PRUNE2: variants seen among roughly 807,000 people sequenced by gnomAD.
PRUNE2 encodes prune homolog 2 with BCH domain.
PRUNE2 carries 164 observed loss-of-function variants against 252.0 expected under a neutral mutation model. That is an observed-to-expected ratio of 0.65 (90% CI 0.57 to 0.74). The LOEUF is 0.74. Among genes scored for constraint, PRUNE2 ranks in the 30% least tolerant of loss-of-function variants. PRUNE2 has a pLI of 0.00. For missense variants in PRUNE2, 3,495 were observed against 3,711.0 expected (o/e 0.94, Z 1.51); for synonymous variants, 1,292 against 1,350.2 (o/e 0.96, Z 0.94).
At chr9:76,677,813 G>C (rs1424701026) in intron 9 of PRUNE2, among the ~76,000 whole-genome samples, 1 of 152,094 alleles carries the variant, frequency 6.6e-6, no homozygotes, top group African/African-American at 2.4e-5. Flanking sequence ...CAAATTCCTG[G>C]AATCCATTCC....
At chr9:76,890,141 G>A (rs1489798658) in intron 1 of PRUNE2, among the ~76,000 whole-genome samples, 1 of 152,186 alleles carries the variant, frequency 6.6e-6, no homozygotes, top group Non-Finnish European at 1.5e-5. Context: ...GTGTTCCCTA[G>A]AGCAAGTTAC....
intron 9 of PRUNE2, among the ~76,000 whole-genome samples, chr9:76,688,058 C>A (rs1191817372): frequency 6.6e-6 from 1 of 152,218 alleles, no homozygotes; most frequent in Non-Finnish European, 1.5e-5. Flanking sequence ...GTTCTTGCAA[C>A]CTATGAGTCA....
At chr9:76,802,204 C>T (rs927197192) in intron 6 of PRUNE2, among the ~76,000 whole-genome samples, 8 of 152,054 alleles carry the variant, frequency 5.3e-5, no homozygotes, top group African/African-American at 1.9e-4. Flanking sequence ...CATTTATGCA[C>T]ATTAGTAACA....
chr9:76,855,082 A>AATAT (rs1162386020), intron 1 of PRUNE2, among the ~76,000 whole-genome samples: 3,834 of 109,068 alleles, frequency 0.035, 141 homozygotes, highest in South Asian at 0.063. Context: ...AAAAAAAAAA[A>AATAT]ATATATATAT....
rs544280663 is a variant in PRUNE2, at chr9:76,763,348, T to C, written c.757-49627A>G. ...ACTTAGTACAGTACCTGGTATACTATGTGGCTTAAGTATTAATAGGCTTTG... is the reference window on the plus strand; with the variant it reads ...ACTTAGTACAGTACCTGGTATACTACGTGGCTTAAGTATTAATAGGCTTTG... On this transcript the variant is annotated intron_variant, in intron 6 of 18. Transcript: ENST00000376718. Among the ~76,000 whole-genome samples, 149 of 152,344 alleles carry C rather than the reference T, an allele frequency of 9.8e-4. 1 individual carries two copies. Among genetic ancestry groups the C allele is most frequent in the African/African-American group, 3.4e-3 (140 of 41,588 alleles).
intron 1 of PRUNE2, among the ~76,000 whole-genome samples, chr9:76,857,885 G>A (rs1387229324): frequency 1.3e-5 from 2 of 152,112 alleles, no homozygotes. Flanking sequence ...TATAGGGGCT[G>A]CAACTAGTTC....
At chr9:76,713,542 G>C (rs753647430) in intron 7 of PRUNE2, 21 bp downstream of exon 7, 2 of 1,595,294 alleles carry the variant, frequency 1.3e-6, no homozygotes, top group Admixed American at 1.7e-5. Context: ...GGAACATGAC[G>C]GGGTCAGAGG....
At position 76,843,877 on chromosome 9, in the gene PRUNE2, C is replaced by T. The variant is rs58246478; in HGVS notation, c.508+2638G>A. ...CCAAGTAGCTGGGATTACAGGCGTC[C>T]GCCACCACACCGGCTAATTTTTGTA... On this transcript the variant is annotated intron_variant, in intron 4 of 18. Transcript: ENST00000376718. 4.5e-4 allele frequency among the ~76,000 whole-genome samples: 69 copies of T among 151,804 alleles called. No homozygotes were observed. In the East Asian group the frequency reaches 0.011, roughly 24 times the overall value.
chr9:76,774,618 C>T (rs1413268469), intron 6 of PRUNE2, among the ~76,000 whole-genome samples: 4 of 151,640 alleles, frequency 2.6e-5, no homozygotes. Context: ...GTCATCATGC[C>T]CAGCTAATTT....
intron 12 of PRUNE2, chr9:76,644,441 A>G (rs1251100736): frequency 1.2e-5 from 5 of 425,784 alleles, no homozygotes; most frequent in African/African-American, 2.0e-5. Flanking sequence ...AGAATGCCAA[A>G]CAGACATTTA....
At chr9:76,777,682 G>A (rs576248669) in intron 6 of PRUNE2, among the ~76,000 whole-genome samples, 104 of 152,268 alleles carry the variant, frequency 6.8e-4, no homozygotes, top group African/African-American at 2.5e-3. Context: ...ATATAAACAA[G>A]TAGACATGTT....
Position 76,705,598 on chromosome 9 carries a change from G to T in PRUNE2, c.6676C>A (p.Pro2226Thr). The change falls in exon 8 of 19, where the codon CCA (proline) becomes ACA (threonine). Residue 2226 changes from proline to threonine, a missense_variant. Transcript: ENST00000376718. ...PILEPVDRRI[P>T]RIENVATSIF... ...CTAGTTGCCACATTTTCAATCCTTG[G>T]GATTCTTCTGTCAACTGGTTCCAAA... The T allele has an allele frequency of 1.2e-6, 2 of 1,613,958 alleles. No homozygotes were observed. Among genetic ancestry groups the T allele is most frequent in the Non-Finnish European group, 1.7e-6 (2 of 1,179,882 alleles).
rs550030416 is a variant in PRUNE2, at chr9:76,693,439, CTTTTTTTT to C, written c.8276+9890_8276+9897del. 6.8e-4 allele frequency among the ~76,000 whole-genome samples: 73 copies of C among 108,030 alleles called. 2 individuals are homozygous for C. Among genetic ancestry groups the C allele is most frequent in the South Asian group, 3.4e-3 (11 of 3,196 alleles). The allele number at this position is 108,030 out of a possible 152,430, so 70.9% of individuals were successfully genotyped here. ...TGCTTAAGAGATGTTAGCACCTACT[CTTTTTTTT>C]TTTTTTTTTTTTTGGAGACGGAGTC... On this transcript the variant is annotated intron_variant, in intron 9 of 18. Coordinates refer to ENST00000376718, the MANE Select transcript of PRUNE2 (RefSeq NM_015225.3).
chr9:76,708,281 C>T lies in PRUNE2; in HGVS notation c.3993G>A (p.Gln1331=). The change falls in exon 8 of 19, where the codon CAG becomes CAA. Residue 1331 remains glutamine (Q), a synonymous_variant. Coordinates refer to ENST00000376718, the MANE Select transcript of PRUNE2 (RefSeq NM_015225.3). ...DGQSESEKEA[Q]GATDRGHLDE... is the part of the protein sequence containing the mutation. ...CAAGGTGCCCCCTGTCAGTGGCTCCCTGGGCTTCCTTCTCACTTTCACTTT... is the reference window on the plus strand; with the variant it reads ...CAAGGTGCCCCCTGTCAGTGGCTCCTTGGGCTTCCTTCTCACTTTCACTTT... The T allele has an allele frequency of 6.2e-7, 1 of 1,613,824 alleles. No individual in the cohort carries two copies. Among genetic ancestry groups the T allele is most frequent in the South Asian group, 1.1e-5 (1 of 91,082 alleles).
intron 6 of PRUNE2, chr9:76,786,760 T>C (rs2055032122): frequency 6.6e-6 from 1 of 152,250 alleles, no homozygotes; most frequent in Admixed American, 6.5e-5. Flanking sequence ...ATTAGATATT[T>C]AAAGCTCAAG....
At chr9:76,892,728 G>C (rs7871453) in intron 1 of PRUNE2, among the ~76,000 whole-genome samples, 93,208 of 152,070 alleles carry the variant, frequency 0.61, 29,163 homozygotes, top group African/African-American at 0.74. Flanking sequence ...AAACTATCAC[G>C]AAAGGTCATG....
chr9:76,611,821 C>T lies in PRUNE2; in HGVS notation c.*2749G>A, dbSNP rs567258012. The T allele has an allele frequency of 6.5e-6, 1 of 152,742 alleles. No individual in the cohort carries two copies. The highest frequency in any genetic ancestry group is 2.4e-5 in the African/African-American group (1 of 41,560). 9.5% of individuals were successfully genotyped at this position (152,742 alleles called of 1,614,324 possible). On this transcript the variant is annotated 3_prime_UTR_variant, in exon 19 of 19. Coordinates refer to ENST00000376718, the MANE Select transcript of PRUNE2 (RefSeq NM_015225.3). Reference sequence around the variant, plus strand: ...AAACTTTCTCACTCCTTGACACTATCTTCTGTGCAAATTTCTGTTCTTTCT... The same window carrying T: ...AAACTTTCTCACTCCTTGACACTATTTTCTGTGCAAATTTCTGTTCTTTCT...
intron 6 of PRUNE2, among the ~76,000 whole-genome samples, chr9:76,758,280 A>T (rs916466777): frequency 2.0e-5 from 3 of 152,160 alleles, no homozygotes. Context: ...ACTTGGTGAA[A>T]CTAAGAAGTA....
intron 6 of PRUNE2, among the ~76,000 whole-genome samples, chr9:76,715,684 C>G (rs1480236537): frequency 6.6e-6 from 1 of 152,130 alleles, no homozygotes; most frequent in East Asian, 1.9e-4. Context: ...TAATAACAAT[C>G]TTTAAGTAGA....
Sources: allele counts gnomAD v4.1 joint callset (sites outside exome capture counted in the v4.1 genomes callset), GRCh38; gene constraint gnomAD v4.1.1; transcripts MANE v1.5; gene names NCBI Gene and HGNC (gene_info 2026-07-23, HGNC 2026-07-21).